The following MBNL2 variants were observed in gnomAD, a reference collection of about 807,000 sequenced individuals.
MBNL2 encodes the protein muscleblind like splicing regulator 2, also known as muscleblind-like protein 2.
MBNL2 carries 17 observed loss-of-function variants against 41.9 expected under a neutral mutation model. The observed-to-expected ratio is 0.41, with a 90% CI of 0.28 to 0.61. MBNL2 has a LOEUF of 0.61. MBNL2 is among the 20% of genes least tolerant of loss of function. MBNL2 has a pLI of 0.35. For synonymous variants in MBNL2, 195 were observed against 182.9 expected (o/e 1.07, Z -0.53); for missense variants, 336 against 505.6 (o/e 0.66, Z 3.22).
intron 1 of MBNL2, among the ~76,000 whole-genome samples, chr13:97,264,308 T>G (rs2049288406): frequency 6.6e-6 from 1 of 152,216 alleles, no homozygotes; most frequent in Non-Finnish European, 1.5e-5. Flanking sequence ...ATTACAGGCT[T>G]GAGCCACTGT....
At chr13:97,364,229 C>T (rs1159709198) in intron 7 of MBNL2, among the ~76,000 whole-genome samples, 1 of 152,148 alleles carries the variant, frequency 6.6e-6, no homozygotes, top group East Asian at 1.9e-4. Context: ...TTGCCCCTCC[C>T]ACCTCCTACC....
chr13:97,357,686 C>G (rs1426803485), intron 7 of MBNL2, 51 bp downstream of exon 7: 1 of 1,562,052 alleles, frequency 6.4e-7, no homozygotes, highest in Admixed American at 1.7e-5. Flanking sequence ...CATGTGCTTT[C>G]TTCTCATTTC....
At chr13:97,188,922 G>A in the MBNL2 span, among the ~76,000 whole-genome samples, 1 of 152,060 alleles carries the variant, frequency 6.6e-6, no homozygotes, top group Admixed American at 6.5e-5. Context: ...GCTACACCTT[G>A]ACCCACACAG....
chr13:97,204,600 A>G, the MBNL2 span, among the ~76,000 whole-genome samples: 3 of 152,192 alleles, frequency 2.0e-5, no homozygotes, highest in African/African-American at 7.2e-5. Context: ...GAAGAAAAAA[A>G]ACTATACTTT....
the MBNL2 span, among the ~76,000 whole-genome samples, chr13:97,159,786 C>G: frequency 7.8e-4 from 118 of 151,748 alleles, no homozygotes; most frequent in African/African-American, 2.8e-3. Flanking sequence ...TGATGGGCTT[C>G]CCTTTGAGGG....
At chr13:97,160,560 G>GCA in the MBNL2 span, among the ~76,000 whole-genome samples, 53 of 151,630 alleles carry the variant, frequency 3.5e-4, no homozygotes, top group Non-Finnish European at 6.3e-4. Flanking sequence ...ACCTAGACAC[G>GCA]CACACACACA....
chr13:97,295,051 G>T (rs553803893), intron 2 of MBNL2, among the ~76,000 whole-genome samples: 7 of 152,302 alleles, frequency 4.6e-5, no homozygotes, highest in South Asian at 2.1e-4. Context: ...TGAAAAAATG[G>T]AAATGAATGA....
At position 97,366,618 on chromosome 13, in the gene MBNL2, A is replaced by C; in HGVS notation, c.1048+1447A>C. 1.9e-6 allele frequency: 2 copies of C among 1,028,318 alleles called. No homozygotes were observed. The highest frequency in any genetic ancestry group is 3.0e-6 in the Non-Finnish European group (2 of 662,520). 63.7% of individuals were successfully genotyped at this position (1,028,318 alleles called of 1,614,324 possible). A position where few individuals can be genotyped will look rare whatever the true frequency, so the allele number is the denominator to read the frequency against. ...TCTAAATGAGTGCTGATATTTAAAAAAAAAATTCTCGGTGAGAATTTTTTT... is the reference window on the plus strand; with the variant it reads ...TCTAAATGAGTGCTGATATTTAAAACAAAAATTCTCGGTGAGAATTTTTTT... On this transcript the variant is annotated intron_variant, in intron 8 of 8. Transcript: ENST00000679496. This position sits in a 1 kb window ranked among gnomAD's most constrained non-coding sequence, Gnocchi z 4.7.
chr13:97,374,949 TTTC>T (rs1486423654), intron 8 of MBNL2, among the ~76,000 whole-genome samples: 1 of 152,146 alleles, frequency 6.6e-6, no homozygotes, highest in African/African-American at 2.4e-5. Flanking sequence ...CGGGCAGGGT[TTTC>T]TTCTCTATAA....
At chr13:97,214,091 A>G in the MBNL2 span, among the ~76,000 whole-genome samples, 3 of 152,204 alleles carry the variant, frequency 2.0e-5, no homozygotes, top group Admixed American at 1.3e-4. Context: ...TTCTCATTCC[A>G]TTAAAGAAAA....
chr13:97,244,438 G>C (rs2045014198), intron 1 of MBNL2, among the ~76,000 whole-genome samples: 1 of 152,202 alleles, frequency 6.6e-6, no homozygotes, highest in South Asian at 2.1e-4. Flanking sequence ...CCTGTCATCT[G>C]CTAAGAGAAA....
At chr13:97,253,367 G>T (rs187566814) in intron 1 of MBNL2, among the ~76,000 whole-genome samples, 423 of 152,264 alleles carry the variant, frequency 2.8e-3, no homozygotes, top group African/African-American at 9.8e-3. Flanking sequence ...GGGATGCATA[G>T]TTCTGCTCAT....
intron 1 of MBNL2, among the ~76,000 whole-genome samples, chr13:97,257,818 C>T (rs978992620): frequency 7.2e-5 from 11 of 152,246 alleles, no homozygotes; most frequent in African/African-American, 2.7e-4. Context: ...TCCTCAGCTT[C>T]CCCTTCCATA....
chr13:97,324,873 A>C (rs1335006554), intron 2 of MBNL2, among the ~76,000 whole-genome samples: 8 of 152,052 alleles, frequency 5.3e-5, no homozygotes, highest in Non-Finnish European at 1.5e-5. Flanking sequence ...AGGCCAGAAG[A>C]CTCAGCAGGT....
the MBNL2 span, among the ~76,000 whole-genome samples, chr13:97,178,796 CTGAGGTGGAAGGA>C: frequency 6.6e-6 from 1 of 152,044 alleles, no homozygotes; most frequent in Non-Finnish European, 1.5e-5. Flanking sequence ...ACTGGGGAGG[CTGAGGTGGAAGGA>C]TTGCTTGAGC....
chr13:97,180,054 C>A, the MBNL2 span, among the ~76,000 whole-genome samples: 2 of 152,102 alleles, frequency 1.3e-5, no homozygotes. Flanking sequence ...TGAGAGAAAA[C>A]CAGTTATGAA....
chr13:97,293,537 T>G (rs2056527177), intron 2 of MBNL2, among the ~76,000 whole-genome samples: 1 of 152,242 alleles, frequency 6.6e-6, no homozygotes, highest in Non-Finnish European at 1.5e-5. Flanking sequence ...CAGATATTTA[T>G]CCAAACATTA....
chr13:97,383,822 T>G (rs1258208468), intron 8 of MBNL2, among the ~76,000 whole-genome samples: 1 of 152,138 alleles, frequency 6.6e-6, no homozygotes, highest in Non-Finnish European at 1.5e-5. Context: ...CCGAACAATA[T>G]TCCCCCAGAA....
chr13:97,276,153 C>A lies in MBNL2; in HGVS notation c.-83C>A. The A allele has an allele frequency of 2.7e-6, 3 of 1,099,500 alleles. No individual in the cohort carries two copies. The highest frequency in any genetic ancestry group is 4.1e-6 in the Non-Finnish European group (3 of 738,146). The allele number at this position is 1,099,500 out of a possible 1,614,324, so 68.1% of individuals were successfully genotyped here. A position where few individuals can be genotyped will look rare whatever the true frequency, so the allele number is the denominator to read the frequency against. Reference sequence around the variant, plus strand: ...CTTCAGACTTACATGTGGGAGTTTTCACAACAGTAGTTTTGGAATCATTAG... The same window carrying A: ...CTTCAGACTTACATGTGGGAGTTTTAACAACAGTAGTTTTGGAATCATTAG... On this transcript the variant is annotated 5_prime_UTR_variant, in exon 2 of 9. An upstream open reading frame in the 5' UTR gains an earlier in-frame stop. Coordinates refer to ENST00000679496, the MANE Select transcript of MBNL2 (RefSeq NM_001382683.1).
Sources: allele counts gnomAD v4.1 joint callset (sites outside exome capture counted in the v4.1 genomes callset), GRCh38; gene constraint gnomAD v4.1.1; non-coding constraint Gnocchi (gnomAD v3.1); transcripts MANE v1.5; gene names NCBI Gene and HGNC (gene_info 2026-07-23, HGNC 2026-07-21).